Variants in VPS37A observed in about 807,000 individuals in gnomAD.
VPS37A encodes vacuolar protein sorting-associated protein 37A.
A neutral mutation model predicts 49.8 loss-of-function variants in VPS37A; 30 were observed. The ratio of observed to expected loss-of-function variants is 0.60; its 90% CI spans 0.45 to 0.82. The LOEUF is 0.82. VPS37A is among the 40% of genes least tolerant of loss of function. The probability of loss-of-function intolerance (pLI) is 0.00; values close to 1 mark genes in which losing one functional copy is unlikely to be tolerated. For synonymous variants in VPS37A, 195 were observed against 160.6 expected, an observed-to-expected ratio of 1.21 and a Z score of -1.62; for missense variants, 593 against 464.4, an observed-to-expected ratio of 1.28 and a Z score of -2.55.
the VPS37A span, among the ~76,000 whole-genome samples, chr8:17,319,053 T>G: frequency 6.6e-6 from 1 of 152,250 alleles, no homozygotes; most frequent in African/African-American, 2.4e-5. Context: ...GAGGGCCTCC[T>G]TGTTTAACTT....
At chr8:17,316,134 T>A in the VPS37A span, among the ~76,000 whole-genome samples, 1 of 152,224 alleles carries the variant, frequency 6.6e-6, no homozygotes. Flanking sequence ...ACTAGCTATG[T>A]GGGCTTGGGC....
At chr8:17,276,704 A>T (rs1345120824) in intron 6 of VPS37A, among the ~76,000 whole-genome samples, 1 of 152,150 alleles carries the variant, frequency 6.6e-6, no homozygotes, top group Non-Finnish European at 1.5e-5. Context: ...AATAGTTACC[A>T]AGATAACAAA....
chr8:17,302,703 AC>A (rs35520166), downstream of VPS37A, among the ~76,000 whole-genome samples: 1,038 of 10,356 alleles, frequency 0.1, 94 homozygotes, highest in Non-Finnish European at 0.12. Context: ...ATTGGCAATA[AC>A]CCCCCCCCCC....
the VPS37A span, among the ~76,000 whole-genome samples, chr8:17,325,606 A>G: frequency 3.9e-5 from 6 of 152,156 alleles, no homozygotes; most frequent in Non-Finnish European, 8.8e-5. Flanking sequence ...TGCGTCCCAC[A>G]TGCTCTGGGC....
At chr8:17,294,434 C>T (rs1407575266) in intron 11 of VPS37A, among the ~76,000 whole-genome samples, 1 of 152,160 alleles carries the variant, frequency 6.6e-6, no homozygotes, top group East Asian at 1.9e-4. Context: ...GGCTCCCTGG[C>T]ATCAGCCCCC....
At chr8:17,318,328 G>C in the VPS37A span, among the ~76,000 whole-genome samples, 1 of 152,104 alleles carries the variant, frequency 6.6e-6, no homozygotes, top group Middle Eastern at 3.2e-3. Flanking sequence ...GTTCTGTGGA[G>C]TCCACAGAAA....
the VPS37A span, among the ~76,000 whole-genome samples, chr8:17,312,562 G>T: frequency 6.6e-5 from 8 of 120,618 alleles, no homozygotes; most frequent in African/African-American, 2.5e-4. Flanking sequence ...GTGACAGAGC[G>T]AGACTCCCTC....
At chr8:17,259,229 T>G (rs1389332092) in intron 1 of VPS37A, among the ~76,000 whole-genome samples, 2 of 152,144 alleles carry the variant, frequency 1.3e-5, no homozygotes, top group African/African-American at 4.8e-5. Context: ...AACTTTCTTC[T>G]TTGTATCACT....
At chr8:17,273,435 C>T (rs1421707317) in intron 4 of VPS37A, among the ~76,000 whole-genome samples, 3 of 152,152 alleles carry the variant, frequency 2.0e-5, no homozygotes, top group Non-Finnish European at 4.4e-5. Context: ...GGCGCAATCT[C>T]GGCTCACTGC....
the VPS37A span, among the ~76,000 whole-genome samples, chr8:17,315,893 G>T: frequency 6.6e-6 from 1 of 152,126 alleles, no homozygotes; most frequent in African/African-American, 2.4e-5. Context: ...CATGCCTACT[G>T]TCCCAGCTAC....
intron 9 of VPS37A, among the ~76,000 whole-genome samples, chr8:17,280,651 A>C (rs1251609959): frequency 2.0e-5 from 3 of 151,968 alleles, no homozygotes; most frequent in African/African-American, 7.2e-5. Flanking sequence ...TTTGTTTCTA[A>C]AACAGAAAAT....
downstream of VPS37A, chr8:17,299,948 G>A (rs368505826): frequency 2.4e-5 from 39 of 1,613,970 alleles, no homozygotes; most frequent in African/African-American, 2.0e-4. Context: ...CTTGGAGACC[G>A]ACAGCTCAAA....
intron 11 of VPS37A, among the ~76,000 whole-genome samples, chr8:17,289,146 C>T (rs1187816136): frequency 6.6e-6 from 1 of 152,158 alleles, no homozygotes; most frequent in East Asian, 1.9e-4. Context: ...TTTCCCCATT[C>T]TGTAGGTGGC....
chr8:17,308,059 A>G, the VPS37A span, among the ~76,000 whole-genome samples: 50,367 of 151,662 alleles, frequency 0.33, 8,851 homozygotes, highest in African/African-American at 0.44. Flanking sequence ...AAAAATAAAA[A>G]TAAAATGAGG....
chr8:17,287,311 A>C (rs1815695511), intron 11 of VPS37A, among the ~76,000 whole-genome samples: 2 of 152,142 alleles, frequency 1.3e-5, no homozygotes, highest in Admixed American at 1.3e-4. Flanking sequence ...TGACCAAAAC[A>C]GCTCTTCTCA....
At chr8:17,285,213 T>G (rs1380796425) in intron 10 of VPS37A, among the ~76,000 whole-genome samples, 1 of 152,164 alleles carries the variant, frequency 6.6e-6, no homozygotes, top group Non-Finnish European at 1.5e-5. Context: ...TTAGACTTGC[T>G]TTTTCTGAGT....
chr8:17,311,686 G>A, the VPS37A span: 1 of 1,611,812 alleles, frequency 6.2e-7, no homozygotes, highest in Non-Finnish European at 8.5e-7. Flanking sequence ...CTGTAAAAAG[G>A]CAGAACCTCT....
downstream of VPS37A, chr8:17,304,412 T>A (rs184457832): frequency 2.1e-5 from 34 of 1,614,006 alleles, no homozygotes; most frequent in Admixed American, 4.3e-4. Flanking sequence ...TGTAGGGAGA[T>A]GAAGGGTTCC....
chr8:17,299,242 G>T (rs1459253047), downstream of VPS37A: 2 of 152,204 alleles, frequency 1.3e-5, no homozygotes, highest in African/African-American at 4.8e-5. Context: ...ACAGACTATA[G>T]ATCTCAGAGA....
Sources: allele counts gnomAD v4.1 joint callset (sites outside exome capture counted in the v4.1 genomes callset), GRCh38; gene constraint gnomAD v4.1.1; transcripts MANE v1.5; gene names NCBI Gene and HGNC (gene_info 2026-07-23, HGNC 2026-07-21).